GALNT2: variants seen among roughly 807,000 people sequenced by gnomAD.
GALNT2 encodes UDP-GalNAc:polypeptide N-acetylgalactosaminyltransferase 2.
Under a neutral mutation model 81.4 loss-of-function variants are expected in GALNT2, and 31 were observed. That is an observed-to-expected ratio of 0.38 (90% CI 0.29 to 0.51). GALNT2 has a LOEUF of 0.51. GALNT2 is among the 20% of genes least tolerant of loss of function. GALNT2 has a pLI of 0.87. For synonymous variants in GALNT2, 303 were observed against 287.4 expected, an observed-to-expected ratio of 1.05 and a Z score of -0.55; for missense variants, 629 against 765.7, an observed-to-expected ratio of 0.82 and a Z score of 2.11.
chr1:230,203,062 C>T, intron 2 of GALNT2, 75 bp from the exon 3 acceptor site: 1 of 1,478,482 alleles, frequency 6.8e-7, no homozygotes, highest in Non-Finnish European at 9.2e-7. Context: ...CTGGAGTTAA[C>T]ACTTACTGCA....
chr1:230,145,569 G>A (rs4846836), intron 1 of GALNT2, among the ~76,000 whole-genome samples: 117,802 of 152,266 alleles, frequency 0.77, 46,120 homozygotes, highest in Admixed American at 0.8. Flanking sequence ...GGATTCCTCC[G>A]CTGAGGTCGG....
rs145448389 is a variant in GALNT2, at chr1:230,272,426, C to T, written c.1441-2019C>T. Among the ~76,000 whole-genome samples the T allele has an allele frequency of 8.5e-5, 13 of 152,226 alleles. No homozygotes were observed. The Middle Eastern group carries it at 0.02, about 239-fold the overall frequency. The stretch of plus-strand genomic sequence containing the variant: ...CAGAGCCTTTAATAGACTGAATTTC[C>T]GAGAGATAAACACAGCACAAAGTCT... On this transcript the variant is annotated intron_variant, in intron 14 of 15. Transcript: ENST00000366672.
chr1:230,222,085 G>T, intron 3 of GALNT2, among the ~76,000 whole-genome samples: 1 of 128,680 alleles, frequency 7.8e-6, no homozygotes, highest in African/African-American at 3.2e-5. Context: ...GGAGTGCAGT[G>T]GTGCGATCTC....
At chr1:230,121,131 A>C (rs1425494805) in intron 1 of GALNT2, among the ~76,000 whole-genome samples, 2 of 152,210 alleles carry the variant, frequency 1.3e-5, no homozygotes, top group African/African-American at 4.8e-5. Flanking sequence ...CCAGTGTCCA[A>C]ATGGCATAGA....
intron 1 of GALNT2, among the ~76,000 whole-genome samples, chr1:230,077,060 C>T (rs1424308553): frequency 6.6e-6 from 1 of 152,150 alleles, no homozygotes; most frequent in Non-Finnish European, 1.5e-5. Flanking sequence ...TGGAGATGCC[C>T]ATGAATTAAG....
intron 2 of GALNT2, among the ~76,000 whole-genome samples, chr1:230,189,517 A>G (rs969113256): frequency 6.6e-6 from 1 of 152,246 alleles, no homozygotes; most frequent in African/African-American, 2.4e-5. Flanking sequence ...CTGCCGGAAG[A>G]AAGATGAGAT....
chr1:230,223,191 C>CTTTTT (rs68127660), intron 3 of GALNT2, among the ~76,000 whole-genome samples: 1 of 139,216 alleles, frequency 7.2e-6, no homozygotes, highest in Non-Finnish European at 1.6e-5. Context: ...TTTTTCTTTT[C>CTTTTT]TTTTTTTTTT....
intron 1 of GALNT2, among the ~76,000 whole-genome samples, chr1:230,105,521 C>G (rs750911532): frequency 6.6e-6 from 1 of 152,148 alleles, no homozygotes; most frequent in African/African-American, 2.4e-5. Context: ...ATGGTGCTCC[C>G]TAGAGTTGAT....
At chr1:230,191,403 T>G (rs1258099052) in intron 2 of GALNT2, among the ~76,000 whole-genome samples, 1 of 152,256 alleles carries the variant, frequency 6.6e-6, no homozygotes, top group Non-Finnish European at 1.5e-5. Flanking sequence ...GGGATCATGA[T>G]GTCTGAATAT....
chr1:230,216,532 G>A (rs193009172), intron 3 of GALNT2, among the ~76,000 whole-genome samples: 3 of 152,292 alleles, frequency 2.0e-5, no homozygotes, highest in South Asian at 2.1e-4. Flanking sequence ...ACAAACTCCT[G>A]GGCTCAAGCC....
intron 1 of GALNT2, among the ~76,000 whole-genome samples, chr1:230,153,427 C>T (rs1662150955): frequency 6.6e-6 from 1 of 152,090 alleles, no homozygotes; most frequent in African/African-American, 2.4e-5. Flanking sequence ...TTTTAAGGGT[C>T]TCTTTGCGTT....
chr1:230,262,805 A>G, intron 12 of GALNT2, 117 bp from the exon 13 acceptor site: 1 of 1,276,072 alleles, frequency 7.8e-7, no homozygotes, highest in Non-Finnish European at 1.1e-6. Flanking sequence ...GAGCATGGGC[A>G]GTCCACACCA....
intron 3 of GALNT2, among the ~76,000 whole-genome samples, chr1:230,204,051 C>T (rs1369753990): frequency 2.0e-5 from 3 of 152,144 alleles, no homozygotes; most frequent in Non-Finnish European, 4.4e-5. Context: ...TCCATTTGCT[C>T]AGGCTGGTTT....
intron 2 of GALNT2, among the ~76,000 whole-genome samples, chr1:230,197,943 A>G (rs1663752814): frequency 6.6e-6 from 1 of 152,214 alleles, no homozygotes; most frequent in Non-Finnish European, 1.5e-5. Context: ...GAGGGCTGAC[A>G]GGCTTTGCGG....
chr1:230,249,097 G>T (rs569064893), intron 8 of GALNT2, 87 bp from the exon 9 acceptor site: 4 of 1,281,930 alleles, frequency 3.1e-6, no homozygotes, highest in Admixed American at 3.6e-5. Flanking sequence ...TCCAAACATC[G>T]AATATTTTTA....
chr1:230,146,623 GA>G (rs1661923578), intron 1 of GALNT2, among the ~76,000 whole-genome samples: 1 of 152,154 alleles, frequency 6.6e-6, no homozygotes, highest in Non-Finnish European at 1.5e-5. Flanking sequence ...GGCTCTCAGG[GA>G]GCTGGGGCAT....
intron 1 of GALNT2, among the ~76,000 whole-genome samples, chr1:230,139,678 T>C (rs1490366559): frequency 6.6e-6 from 1 of 152,174 alleles, no homozygotes; most frequent in Non-Finnish European, 1.5e-5. Flanking sequence ...TGTTTTTTGG[T>C]AAAATTCCAA....
In GALNT2 at chr1:230,249,466, A is replaced by G. The variant is rs575664598; in HGVS notation, c.905+195A>G. On this transcript the variant is annotated intron_variant, in intron 9 of 15. Coordinates refer to ENST00000366672, the MANE Select transcript of GALNT2 (RefSeq NM_004481.5). ...AAATCCTTGGAGATTTCTTTTCCAC[A>G]GTTGAAGTCTCACATAGGTTTATAA... Among the ~76,000 whole-genome samples the G allele has an allele frequency of 8.2e-4, 125 of 152,332 alleles. 1 individual carries two copies. The highest frequency in any genetic ancestry group is 6.8e-3 in the Middle Eastern group (2 of 294).
intron 1 of GALNT2, among the ~76,000 whole-genome samples, chr1:230,152,814 C>T (rs1572024855): frequency 6.6e-6 from 1 of 152,234 alleles, no homozygotes; most frequent in South Asian, 2.1e-4. Flanking sequence ...ACCATCTGCG[C>T]CAGCCCTGTC....
Sources: allele counts gnomAD v4.1 joint callset (sites outside exome capture counted in the v4.1 genomes callset), GRCh38; gene constraint gnomAD v4.1.1; transcripts MANE v1.5; gene names NCBI Gene and HGNC (gene_info 2026-07-23, HGNC 2026-07-21).